Variants in EBF3 observed in about 807,000 individuals in gnomAD.
The protein encoded by EBF3 is EBF transcription factor 3.
In EBF3, 18 loss-of-function variants were observed where a neutral mutation model predicts 77.1. The ratio of observed to expected loss-of-function variants is 0.23; its 90% CI spans 0.16 to 0.35. EBF3 has a LOEUF of 0.35. Ranked by LOEUF, EBF3 falls within the 10% of genes least tolerant of loss-of-function variation. EBF3 has a pLI of 1.00. For synonymous variants in EBF3, 350 were observed against 343.5 expected, an observed-to-expected ratio of 1.02 and a Z score of -0.21; for missense variants, 558 against 860.0, an observed-to-expected ratio of 0.65 and a Z score of 4.39.
rs982052126 is a variant in EBF3 at position 129,840,430 on chromosome 10, C to T, written c.1574G>A (p.Ser525Asn). 2.6e-6 allele frequency: 4 copies of T among 1,551,244 alleles called. No homozygotes were observed. Among genetic ancestry groups the T allele is most frequent in the Non-Finnish European group, 3.5e-6 (4 of 1,146,924 alleles). ...ANSPYGIVPS[S>N]PTMAASSVTL... ...GACCGAAGAGGCTGCCATGGTGGGGCTGGACGGCACTACTGCAACAAAGCA... is the reference window on the plus strand; with the variant it reads ...GACCGAAGAGGCTGCCATGGTGGGGTTGGACGGCACTACTGCAACAAAGCA... The change falls in exon 15 of 17, where the codon AGC (serine) becomes AAC (asparagine). Residue 525 changes from serine to asparagine, a missense_variant. Physicochemically the swap from Ser to Asn is conservative, Grantham distance 46. This residue lies in a region of EBF3 where 284 missense variants were observed against 368.3 expected (regional missense o/e 0.77). Transcript: ENST00000440978.
intron 11 of EBF3, among the ~76,000 whole-genome samples, chr10:129,846,890 C>A (rs1312017908): frequency 6.6e-6 from 1 of 151,974 alleles, no homozygotes; most frequent in African/African-American, 2.4e-5. Context: ...GAAAAAATGC[C>A]CATAACTGAG....
In EBF3 at chr10:129,938,703, C is replaced by T. The variant is rs895242959; in HGVS notation, c.554+18555G>A. On this transcript the variant is annotated intron_variant, in intron 6 of 16. Coordinates refer to ENST00000440978, the MANE Select transcript of EBF3 (RefSeq NM_001375380.1). The surrounding 1 kb of genome is among the most constrained non-coding windows in gnomAD (Gnocchi z 5.1). ...ACGAGAAAGGTGCGGCTGCAACCGA[C>T]GAGCACTGCCTTGTGTCCTGGGACC... 2.6e-5 allele frequency among the ~76,000 whole-genome samples: 4 copies of T among 152,202 alleles called. No individual in the cohort carries two copies. The highest frequency in any genetic ancestry group is 1.3e-4 in the Admixed American group (2 of 15,280).
intron 6 of EBF3, among the ~76,000 whole-genome samples, chr10:129,946,133 T>C (rs1158800956): frequency 1.3e-5 from 2 of 152,160 alleles, no homozygotes; most frequent in African/African-American, 4.8e-5. Context: ...ACCGTAGCCG[T>C]TTTAAAATCA....
At chr10:129,853,539 A>G (rs1400837549) in intron 10 of EBF3, among the ~76,000 whole-genome samples, 1 of 152,230 alleles carries the variant, frequency 6.6e-6, no homozygotes, top group Non-Finnish European at 1.5e-5. Flanking sequence ...CTACATAATA[A>G]GAACATCTGC....
chr10:129,895,072 C>T (rs1321792480), intron 6 of EBF3, among the ~76,000 whole-genome samples: 3 of 152,212 alleles, frequency 2.0e-5, no homozygotes, highest in African/African-American at 7.2e-5. Context: ...ACAGTAAGGC[C>T]AGGTTCAGCC....
chr10:129,841,198 C>A lies in EBF3; in HGVS notation c.1373-166G>T, dbSNP rs1049536402. 6.6e-6 allele frequency among the ~76,000 whole-genome samples: 1 copy of A among 152,182 alleles called. No individual in the cohort carries two copies. Among genetic ancestry groups the A allele is most frequent in the African/African-American group, 2.4e-5 (1 of 41,448 alleles). On this transcript the variant is annotated intron_variant, in intron 13 of 16. Coordinates refer to ENST00000440978, the MANE Select transcript of EBF3 (RefSeq NM_001375380.1). The surrounding 1 kb of genome is among the most constrained non-coding windows in gnomAD (Gnocchi z 4.6). Reference sequence around the variant, plus strand: ...GCTCGGATGACCTTATCACGCCAACCCTGCTGCCACTGTCTCACCGTGAGC... The same window carrying A: ...GCTCGGATGACCTTATCACGCCAACACTGCTGCCACTGTCTCACCGTGAGC...
intron 6 of EBF3, among the ~76,000 whole-genome samples, chr10:129,893,569 T>C (rs1351066477): frequency 6.6e-6 from 1 of 152,220 alleles, no homozygotes; most frequent in Non-Finnish European, 1.5e-5. Context: ...AACTGTTAGA[T>C]TAGGAAGATG....
intron 6 of EBF3, among the ~76,000 whole-genome samples, chr10:129,940,790 C>A (rs552912430): frequency 2.0e-5 from 3 of 152,140 alleles, no homozygotes; most frequent in Non-Finnish European, 2.9e-5. Context: ...AGGGGAACCG[C>A]GGGGGAGTCT....
intron 6 of EBF3, among the ~76,000 whole-genome samples, chr10:129,886,364 G>A (rs1409861740): frequency 1.3e-5 from 2 of 152,220 alleles, no homozygotes; most frequent in Non-Finnish European, 2.9e-5. Flanking sequence ...GCAGCTTAAT[G>A]AGGGGCACAT....
chr10:129,933,926 G>A (rs1190308981), intron 6 of EBF3, among the ~76,000 whole-genome samples: 1 of 152,066 alleles, frequency 6.6e-6, no homozygotes, highest in Non-Finnish European at 1.5e-5. Flanking sequence ...TCCCCCTCCA[G>A]CAGCTTCACG....
intron 6 of EBF3, among the ~76,000 whole-genome samples, chr10:129,924,537 C>T (rs1256879584): frequency 2.6e-5 from 4 of 151,794 alleles, no homozygotes; most frequent in African/African-American, 7.3e-5. Flanking sequence ...AGAAACAGTG[C>T]GGGCCCTGTG....
intron 6 of EBF3, among the ~76,000 whole-genome samples, chr10:129,901,537 C>T (rs1425423387): frequency 6.6e-6 from 1 of 152,228 alleles, no homozygotes; most frequent in East Asian, 1.9e-4. Context: ...TTTCAACTCA[C>T]ACCACATTTC....
In EBF3 at chr10:129,842,203, G is replaced by A. The variant is rs1427511418; in HGVS notation, c.1285C>T (p.Pro429Ser). 1 of 1,614,252 alleles carries A rather than the reference G, an allele frequency of 6.2e-7. No homozygotes were observed. Among genetic ancestry groups the A allele is most frequent in the Non-Finnish European group, 8.5e-7 (1 of 1,180,054 alleles). Residue 429 changes from proline (P) to serine (S), a missense_variant, in exon 13 of 17, where the codon CCT becomes TCT. This residue lies in a region of EBF3 where 284 missense variants were observed against 368.3 expected (regional missense o/e 0.77). Transcript: ENST00000440978. This position sits in a 1 kb window ranked among gnomAD's most constrained non-coding sequence, Gnocchi z 4.4. ...HNQIPTLGNN[P>S]AHTGMMGVNS... Reference sequence around the variant, plus strand: ...ACGCCCATCATGCCCGTGTGTGCAGGGTTGTTGCCCAGGGTGGGGATCTGG... The same window carrying A: ...ACGCCCATCATGCCCGTGTGTGCAGAGTTGTTGCCCAGGGTGGGGATCTGG...
chr10:129,932,762 C>G (rs149928870), intron 6 of EBF3, among the ~76,000 whole-genome samples: 183 of 152,336 alleles, frequency 1.2e-3, no homozygotes, highest in African/African-American at 4.3e-3. Flanking sequence ...AGGTGCACAA[C>G]TCGCTGACAG....
intron 6 of EBF3, among the ~76,000 whole-genome samples, chr10:129,929,682 G>T (rs1856881254): frequency 2.0e-5 from 3 of 152,190 alleles, no homozygotes; most frequent in African/African-American, 7.2e-5. Context: ...CCCATGCTTT[G>T]TCCACGAGAG....
chr10:129,916,648 G>A (rs1162403211), intron 6 of EBF3, among the ~76,000 whole-genome samples: 5 of 152,242 alleles, frequency 3.3e-5, no homozygotes, highest in African/African-American at 4.8e-5. Context: ...GGGCCAGCGA[G>A]AGGCTGGATG....
At chr10:129,939,876 G>A (rs530889163) in intron 6 of EBF3, among the ~76,000 whole-genome samples, 11 of 152,362 alleles carry the variant, frequency 7.2e-5, no homozygotes, top group South Asian at 6.2e-4. Flanking sequence ...TAGATACCAC[G>A]TCCTGAGGAC....
chr10:129,914,815 T>C (rs183557847), intron 6 of EBF3, among the ~76,000 whole-genome samples: 258 of 152,270 alleles, frequency 1.7e-3, no homozygotes, highest in African/African-American at 5.9e-3. Context: ...ACCTTCTCCC[T>C]GCACCCAACG....
Position 129,841,041 on chromosome 10 carries a change from A to T in EBF3, c.1373-9T>A. On this transcript the variant is annotated splice_polypyrimidine_tract_variant and intron_variant, in intron 13 of 16. Transcript: ENST00000440978. This position sits in a 1 kb window ranked among gnomAD's most constrained non-coding sequence, Gnocchi z 4.6. ...ATTGCGACTGTAGCCGACTGTTGAA[A>T]TCCCCCCCCCGGCCAAAAATAACAT... is the stretch of plus-strand genomic sequence containing the variant. The T allele has an allele frequency of 9.3e-7, 1 of 1,076,656 alleles. No individual in the cohort carries two copies. Among genetic ancestry groups the T allele is most frequent in the Non-Finnish European group, 1.3e-6 (1 of 783,022 alleles). 66.7% of individuals were successfully genotyped at this position (1,076,656 alleles called of 1,614,324 possible). A position where few individuals can be genotyped will look rare whatever the true frequency, so the allele number is the denominator to read the frequency against.
Sources: allele counts gnomAD v4.1 joint callset (sites outside exome capture counted in the v4.1 genomes callset), GRCh38; gene constraint gnomAD v4.1.1; regional missense constraint gnomAD v4.1.1; non-coding constraint Gnocchi (gnomAD v3.1); transcripts MANE v1.5; gene names NCBI Gene and HGNC (gene_info 2026-07-23, HGNC 2026-07-21).